Variants in GRIN2A observed in about 807,000 individuals in gnomAD.
GRIN2A encodes glutamate receptor ionotropic, NMDA 2A.
GRIN2A carries 22 observed loss-of-function variants against 113.4 expected under a neutral mutation model. The observed-to-expected ratio is 0.19, with a 90% CI of 0.14 to 0.28. The LOEUF is 0.28. Ranked by LOEUF, GRIN2A falls within the 10% of genes least tolerant of loss-of-function variation. GRIN2A has a pLI of 1.00. For missense variants in GRIN2A, 1,502 were observed against 1,887.0 expected (o/e 0.80, Z 3.78); for synonymous variants, 827 against 738.4 (o/e 1.12, Z -1.94).
intron 2 of GRIN2A, among the ~76,000 whole-genome samples, chr16:9,998,068 T>A (rs926544386): frequency 6.6e-6 from 1 of 152,188 alleles, no homozygotes; most frequent in Non-Finnish European, 1.5e-5. Context: ...ACACAAATAA[T>A]AGGTTATGCT....
chr16:10,102,318 G>A (rs1398196701), intron 2 of GRIN2A, among the ~76,000 whole-genome samples: 1 of 152,180 alleles, frequency 6.6e-6, no homozygotes, highest in Admixed American at 6.5e-5. Context: ...GTTTAAAAGA[G>A]TGTGGCACTG....
At chr16:10,064,683 T>C (rs2047613975) in intron 2 of GRIN2A, among the ~76,000 whole-genome samples, 1 of 152,232 alleles carries the variant, frequency 6.6e-6, no homozygotes, top group Non-Finnish European at 1.5e-5. Flanking sequence ...CAATAGACCC[T>C]GCTACTAACA....
At chr16:9,947,682 C>G (rs1379023247) in intron 2 of GRIN2A, among the ~76,000 whole-genome samples, 2 of 152,176 alleles carry the variant, frequency 1.3e-5, no homozygotes, top group African/African-American at 4.8e-5. Context: ...ATCAAAGGCA[C>G]AGACACTGGT....
At chr16:10,016,519 G>A (rs867031381) in intron 2 of GRIN2A, among the ~76,000 whole-genome samples, 1 of 152,200 alleles carries the variant, frequency 6.6e-6, no homozygotes. Flanking sequence ...CAATGCAAAG[G>A]GTAGCATTAA....
At chr16:9,900,712 G>A (rs1420292035) in intron 3 of GRIN2A, among the ~76,000 whole-genome samples, 1 of 152,120 alleles carries the variant, frequency 6.6e-6, no homozygotes, top group Non-Finnish European at 1.5e-5. Context: ...TGGAACCTGG[G>A]GTGAGGAATC....
At chr16:9,913,622 A>C (rs1480322201) in intron 3 of GRIN2A, among the ~76,000 whole-genome samples, 1 of 152,216 alleles carries the variant, frequency 6.6e-6, no homozygotes, top group East Asian at 1.9e-4. Context: ...CTAAGCAGCT[A>C]ATGCATTCAA....
At chr16:10,015,570 A>G (rs895989190) in intron 2 of GRIN2A, among the ~76,000 whole-genome samples, 1 of 152,214 alleles carries the variant, frequency 6.6e-6, no homozygotes, top group Non-Finnish European at 1.5e-5. Flanking sequence ...ACATACTTAC[A>G]TTTGGAAAAT....
intron 2 of GRIN2A, among the ~76,000 whole-genome samples, chr16:10,052,970 C>T (rs1018770068): frequency 6.6e-6 from 1 of 151,546 alleles, no homozygotes; most frequent in African/African-American, 2.4e-5. Flanking sequence ...ATGGCTTGAT[C>T]CTGGGAGACA....
At chr16:9,784,683 T>C (rs987410468) in intron 11 of GRIN2A, among the ~76,000 whole-genome samples, 9 of 152,168 alleles carry the variant, frequency 5.9e-5, no homozygotes, top group African/African-American at 1.9e-4. Flanking sequence ...ATTTTTGCAA[T>C]CTACTCATCT....
intron 3 of GRIN2A, among the ~76,000 whole-genome samples, chr16:9,912,224 C>A (rs2044156310): frequency 6.6e-6 from 1 of 151,694 alleles, no homozygotes; most frequent in Admixed American, 6.6e-5. Context: ...ATGATGATGG[C>A]AATGATGATA....
At chr16:10,139,841 T>A (rs201798801) in intron 2 of GRIN2A, among the ~76,000 whole-genome samples, 1 of 120,132 alleles carries the variant, frequency 8.3e-6, no homozygotes, top group African/African-American at 2.9e-5. Context: ...AATAATTTTT[T>A]TTTTTGAAGG....
rs9940680 is a variant in GRIN2A at position 9,757,000 on chromosome 16, G to C, written c.*6149C>G. The C allele has an allele frequency of 0.41, 81,594 of 196,656 alleles. 17,328 individuals are homozygous for C. Among genetic ancestry groups the C allele is most frequent in the South Asian group, 0.55 (2,866 of 5,194 alleles). The allele number at this position is 196,656 out of a possible 1,614,324, so 12.2% of individuals were successfully genotyped here. A position where few individuals can be genotyped will look rare whatever the true frequency, so the allele number is the denominator to read the frequency against. On this transcript the variant is annotated 3_prime_UTR_variant, in exon 13 of 13. Coordinates refer to ENST00000330684, the MANE Select transcript of GRIN2A (RefSeq NM_001134407.3). ...TTCCCTGATACATTCATACCCTGGTGTATCAGAAGGGTTCTTCAAATGTCA... is the reference window on the plus strand; with the variant it reads ...TTCCCTGATACATTCATACCCTGGTCTATCAGAAGGGTTCTTCAAATGTCA...
At chr16:10,111,221 A>G (rs2048606582) in intron 2 of GRIN2A, among the ~76,000 whole-genome samples, 1 of 152,266 alleles carries the variant, frequency 6.6e-6, no homozygotes, top group Admixed American at 6.5e-5. Flanking sequence ...AAAAGTTTCC[A>G]TGAAAATGAC....
At chr16:9,967,484 T>C (rs1418711341) in intron 2 of GRIN2A, among the ~76,000 whole-genome samples, 3 of 152,168 alleles carry the variant, frequency 2.0e-5, no homozygotes, top group Non-Finnish European at 4.4e-5. Flanking sequence ...GGCGGGTGGA[T>C]CACTTGAGGT....
intron 11 of GRIN2A, among the ~76,000 whole-genome samples, chr16:9,793,198 T>A (rs111416639): frequency 7.2e-5 from 11 of 152,340 alleles, no homozygotes; most frequent in African/African-American, 2.6e-4. Flanking sequence ...ATATGTGATG[T>A]GCTTGGCATA....
intron 8 of GRIN2A, among the ~76,000 whole-genome samples, chr16:9,831,986 A>G (rs1254233785): frequency 6.6e-6 from 1 of 152,060 alleles, no homozygotes; most frequent in Non-Finnish European, 1.5e-5. Context: ...TGGTGTGATC[A>G]TAGCTCACTG....
intron 2 of GRIN2A, among the ~76,000 whole-genome samples, chr16:10,042,781 A>C (rs2047188430): frequency 1.3e-5 from 2 of 151,934 alleles, no homozygotes; most frequent in South Asian, 4.2e-4. Flanking sequence ...ACTAACTCAC[A>C]CCTAAGGGGG....
At chr16:9,892,948 A>AAGAAG (rs1555501355) in intron 3 of GRIN2A, among the ~76,000 whole-genome samples, 1 of 146,440 alleles carries the variant, frequency 6.8e-6, no homozygotes, top group Admixed American at 6.8e-5. Flanking sequence ...AAAAAAAAAA[A>AAGAAG]AAGAAGAAGA....
chr16:9,949,076 C>T (rs760092242), intron 2 of GRIN2A, among the ~76,000 whole-genome samples: 1 of 152,216 alleles, frequency 6.6e-6, no homozygotes, highest in South Asian at 2.1e-4. Context: ...AAATAGGAAA[C>T]AGCTGCCGCC....
Sources: gnomAD v4.1 joint callset for allele counts (sites outside exome capture counted in the v4.1 genomes callset) on GRCh38, gnomAD v4.1.1 for gene constraint, MANE v1.5 for transcripts, NCBI Gene and HGNC (gene_info 2026-07-23, HGNC 2026-07-21) for gene names.